Variants in SNX24 observed in about 807,000 individuals in gnomAD.
SNX24 encodes the protein sorting nexin-24.
SNX24 carries 22 observed loss-of-function variants against 28.7 expected under a neutral mutation model. That is an observed-to-expected ratio of 0.77 (90% CI 0.55 to 1.10). The LOEUF (loss-of-function observed/expected upper bound fraction) is 1.10, where lower values mean the gene tolerates loss of function less well. SNX24 is among the 50% of genes least tolerant of loss of function. SNX24 has a pLI of 0.00. For missense variants in SNX24, 221 were observed against 201.1 expected, an observed-to-expected ratio of 1.10 and a Z score of -0.60; for synonymous variants, 69 against 71.5, an observed-to-expected ratio of 0.96 and a Z score of 0.18.
downstream of SNX24, among the ~76,000 whole-genome samples, chr5:123,009,768 G>A (rs1762530931): frequency 6.6e-6 from 1 of 152,234 alleles, no homozygotes; most frequent in Non-Finnish European, 1.5e-5. Flanking sequence ...TCTGTTGGAA[G>A]GGTGAGAGGA....
chr5:122,876,761 A>C (rs1401930186), intron 1 of SNX24, among the ~76,000 whole-genome samples: 3 of 152,212 alleles, frequency 2.0e-5, no homozygotes, highest in Non-Finnish European at 4.4e-5. Flanking sequence ...TGAGGAGTGG[A>C]GTGCAGTACC....
intron 5 of SNX24, among the ~76,000 whole-genome samples, chr5:123,014,610 T>G (rs71590865): frequency 0.027 from 4,112 of 152,262 alleles, 73 homozygotes; most frequent in Non-Finnish European, 0.037. Context: ...AACAGCAGCC[T>G]CCTCCCAGGG....
At chr5:122,954,908 C>T (rs1450324681) in intron 3 of SNX24, among the ~76,000 whole-genome samples, 1 of 152,074 alleles carries the variant, frequency 6.6e-6, no homozygotes, top group Non-Finnish European at 1.5e-5. Flanking sequence ...AGATTAATGT[C>T]TCTTATCTGA....
At chr5:122,913,561 C>T (rs968840038) in intron 1 of SNX24, among the ~76,000 whole-genome samples, 41 of 151,998 alleles carry the variant, frequency 2.7e-4, no homozygotes, top group Admixed American at 2.4e-3. Flanking sequence ...GGCTGCTGGG[C>T]GGAGGGGCTC....
intron 3 of SNX24, among the ~76,000 whole-genome samples, chr5:122,982,726 G>T (rs439739): frequency 1.3e-5 from 2 of 151,956 alleles, no homozygotes; most frequent in South Asian, 2.1e-4. Context: ...AAGGGGGAGG[G>T]GTTTGCTTTG....
intron 6 of SNX24, among the ~76,000 whole-genome samples, chr5:123,005,352 A>C (rs1762387798): frequency 6.6e-6 from 1 of 152,102 alleles, no homozygotes; most frequent in South Asian, 2.1e-4. Flanking sequence ...ACACCCTCCC[A>C]GCGGGCTGCT....
chr5:122,882,104 C>A (rs1216114689), intron 1 of SNX24, among the ~76,000 whole-genome samples: 1 of 152,004 alleles, frequency 6.6e-6, no homozygotes, highest in African/African-American at 2.4e-5. Context: ...GTGCTTGCCA[C>A]CATGCCCAAC....
intron 1 of SNX24, among the ~76,000 whole-genome samples, chr5:122,874,608 C>T (rs1756141573): frequency 6.6e-6 from 1 of 152,194 alleles, no homozygotes; most frequent in South Asian, 2.1e-4. Flanking sequence ...TACTGAGCTA[C>T]ACAGCATTAG....
intron 3 of SNX24, among the ~76,000 whole-genome samples, chr5:122,956,995 A>G (rs868218965): frequency 2.0e-5 from 3 of 151,954 alleles, no homozygotes; most frequent in Middle Eastern, 6.8e-3. Context: ...GCCTTTTTTG[A>G]TAGCAGAAAA....
At chr5:122,936,520 AGGTTTTT>A (rs1255878875) in intron 1 of SNX24, among the ~76,000 whole-genome samples, 5 of 152,000 alleles carry the variant, frequency 3.3e-5, no homozygotes, top group Non-Finnish European at 2.9e-5. Flanking sequence ...GTTTTTAGAC[AGGTTTTT>A]GGAGGATGTC....
intron 5 of SNX24, among the ~76,000 whole-genome samples, chr5:123,017,669 A>G (rs907549327): frequency 1.3e-5 from 2 of 151,824 alleles, no homozygotes; most frequent in African/African-American, 2.4e-5. Context: ...AGGTGGTTGA[A>G]TTGTAGGGGG....
chr5:122,985,052 T>G (rs1761540863), intron 3 of SNX24, among the ~76,000 whole-genome samples: 1 of 152,226 alleles, frequency 6.6e-6, no homozygotes, highest in African/African-American at 2.4e-5. Flanking sequence ...CAGAGTCCAT[T>G]TGATACAAAG....
intron 1 of SNX24, among the ~76,000 whole-genome samples, chr5:122,872,808 G>C (rs562231960): frequency 1.3e-5 from 2 of 151,842 alleles, no homozygotes; most frequent in African/African-American, 2.4e-5. Context: ...ACAGTATACA[G>C]CTCTAGCTGG....
intron 1 of SNX24, among the ~76,000 whole-genome samples, chr5:122,865,449 G>A (rs1243794097): frequency 1.3e-5 from 2 of 152,196 alleles, no homozygotes; most frequent in African/African-American, 4.8e-5. Flanking sequence ...TCGTGCCTCA[G>A]CCTCCTGAGT....
At chr5:122,981,870 C>T (rs1184700652) in intron 3 of SNX24, among the ~76,000 whole-genome samples, 3 of 152,166 alleles carry the variant, frequency 2.0e-5, no homozygotes, top group Non-Finnish European at 4.4e-5. Flanking sequence ...TCTACTCACT[C>T]ATCCATTTCA....
intron 1 of SNX24, among the ~76,000 whole-genome samples, chr5:122,916,397 G>T (rs866218258): frequency 2.6e-5 from 4 of 152,236 alleles, no homozygotes; most frequent in Middle Eastern, 6.8e-3. Flanking sequence ...TATCCTGGGG[G>T]GCCTGCTTTG....
At chr5:123,028,456 C>T (rs1325765883) in intron 5 of SNX24, 1 of 229,986 alleles carries the variant, frequency 4.3e-6, no homozygotes, top group African/African-American at 2.3e-5. Flanking sequence ...TGTTCCACAC[C>T]TTTTCCTTCC....
chr5:122,882,360 C>T (rs1387193317), intron 1 of SNX24, among the ~76,000 whole-genome samples: 1 of 152,208 alleles, frequency 6.6e-6, no homozygotes, highest in South Asian at 2.1e-4. Flanking sequence ...CAGCGTCTTT[C>T]TGTTGTGATT....
intron 2 of SNX24, among the ~76,000 whole-genome samples, chr5:122,945,562 A>AT (rs1205282038): frequency 6.6e-6 from 1 of 152,202 alleles, no homozygotes; most frequent in African/African-American, 2.4e-5. Context: ...TTAGGCCTTT[A>AT]TGTTTTTAAG....
Sources: gnomAD v4.1 joint callset for allele counts (sites outside exome capture counted in the v4.1 genomes callset) on GRCh38, gnomAD v4.1.1 for gene constraint, MANE v1.5 for transcripts, NCBI Gene and HGNC (gene_info 2026-07-23, HGNC 2026-07-21) for gene names.